Variants in RBFOX1 observed in about 807,000 individuals in gnomAD.
The protein encoded by RBFOX1 is RNA binding protein fox-1 homolog 1.
RBFOX1 carries 8 observed loss-of-function variants against 57.7 expected under a neutral mutation model. The ratio of observed to expected loss-of-function variants is 0.14; its 90% CI spans 0.08 to 0.25. The LOEUF (loss-of-function observed/expected upper bound fraction) is 0.25, where lower values mean the gene tolerates loss of function less well. Among genes scored for constraint, RBFOX1 ranks in the 10% least tolerant of loss-of-function variants. The pLI is 1.00. For synonymous variants in RBFOX1, 326 were observed against 222.4 expected (o/e 1.47, Z -4.15); for missense variants, 611 against 548.5 (o/e 1.11, Z -1.14).
At chr16:7,420,484 T>G (rs560773461) in intron 4 of RBFOX1, among the ~76,000 whole-genome samples, 1 of 152,336 alleles carries the variant, frequency 6.6e-6, no homozygotes, top group South Asian at 2.1e-4. Context: ...ATTGTCTAAA[T>G]CGATACATCT....
chr16:6,622,839 A>C (rs2098252317), intron 2 of RBFOX1, among the ~76,000 whole-genome samples: 1 of 152,194 alleles, frequency 6.6e-6, no homozygotes, highest in Non-Finnish European at 1.5e-5. Flanking sequence ...GCACAGAGCA[A>C]ATGTGAAATT....
intron 4 of RBFOX1, among the ~76,000 whole-genome samples, chr16:7,186,615 A>G (rs919987285): frequency 7.0e-6 from 1 of 142,710 alleles, no homozygotes; most frequent in African/African-American, 2.7e-5. Flanking sequence ...TATAAGCATA[A>G]ACATATTTAT....
intron 3 of RBFOX1, among the ~76,000 whole-genome samples, chr16:6,977,951 A>C (rs1322086880): frequency 3.3e-5 from 5 of 149,926 alleles, no homozygotes; most frequent in African/African-American, 4.9e-5. Context: ...AAAAAAAAAA[A>C]GGCAAACCTC....
At chr16:7,018,679 T>C (rs925277541) in intron 3 of RBFOX1, among the ~76,000 whole-genome samples, 3 of 152,002 alleles carry the variant, frequency 2.0e-5, no homozygotes, top group Admixed American at 6.6e-5. Flanking sequence ...TTAGGAGATA[T>C]ACCTAATGTA....
chr16:6,562,844 C>A (rs894582831), intron 2 of RBFOX1, among the ~76,000 whole-genome samples: 1 of 38,184 alleles, frequency 2.6e-5, no homozygotes, highest in African/African-American at 1.9e-4. Context: ...TTCTTTCTTT[C>A]TTTCTTTCTT....
chr16:6,519,681 A>T (rs1281825575), intron 2 of RBFOX1, among the ~76,000 whole-genome samples: 1 of 152,170 alleles, frequency 6.6e-6, no homozygotes, highest in East Asian at 1.9e-4. Flanking sequence ...AGTCTGGGTG[A>T]CAAGAATGGA....
At position 6,739,142 on chromosome 16, in the gene RBFOX1, A is replaced by T. The variant is rs112688832; in HGVS notation, c.-16+84492A>T. ...GCAGAGAGGAAATAATAAAAATTGGAGCAAAAGTCAATGAAATTGAAAACA... is the reference window on the plus strand; with the variant it reads ...GCAGAGAGGAAATAATAAAAATTGGTGCAAAAGTCAATGAAATTGAAAACA... On this transcript the variant is annotated intron_variant, in intron 3 of 15. Transcript: ENST00000550418. Among the ~76,000 whole-genome samples, 37 of 152,258 alleles carry T rather than the reference A, an allele frequency of 2.4e-4. 1 individual carries two copies. The East Asian group carries it at 4.6e-3, about 19-fold the overall frequency.
intron 4 of RBFOX1, among the ~76,000 whole-genome samples, chr16:5,967,856 T>A (rs1411305857): frequency 6.6e-6 from 1 of 152,232 alleles, no homozygotes; most frequent in African/African-American, 2.4e-5. Flanking sequence ...AGGGGTATTT[T>A]GCTTTGGGGA....
intron 5 of RBFOX1, among the ~76,000 whole-genome samples, chr16:7,521,475 C>A (rs8053794): frequency 6.6e-6 from 1 of 152,090 alleles, no homozygotes; most frequent in Non-Finnish European, 1.5e-5. Flanking sequence ...AGTTGGGGAG[C>A]TGAGATGCTC....
chr16:5,318,618 T>C (rs1201809213), intron 1 of RBFOX1, among the ~76,000 whole-genome samples: 1 of 152,172 alleles, frequency 6.6e-6, no homozygotes, highest in Non-Finnish European at 1.5e-5. Flanking sequence ...ACAAAACACT[T>C]TATCATATGG....
chr16:7,096,365 A>G (rs1399605273), intron 4 of RBFOX1, among the ~76,000 whole-genome samples: 1 of 152,114 alleles, frequency 6.6e-6, no homozygotes, highest in East Asian at 1.9e-4. Context: ...ACTCTGACTC[A>G]ATTTCTCGGA....
intron 4 of RBFOX1, among the ~76,000 whole-genome samples, chr16:7,314,709 C>T (rs911706856): frequency 1.3e-5 from 2 of 152,132 alleles, no homozygotes; most frequent in Admixed American, 6.5e-5. Context: ...TAGAATCCTC[C>T]GTCCTTCTAT....
At chr16:6,630,803 C>T (rs1033186289) in intron 2 of RBFOX1, among the ~76,000 whole-genome samples, 3 of 152,098 alleles carry the variant, frequency 2.0e-5, no homozygotes, top group South Asian at 2.1e-4. Flanking sequence ...CCGACCTGCT[C>T]GTTACAGGAG....
At chr16:6,479,378 A>G (rs941753615) in intron 2 of RBFOX1, among the ~76,000 whole-genome samples, 5 of 152,164 alleles carry the variant, frequency 3.3e-5, no homozygotes, top group Non-Finnish European at 7.3e-5. Context: ...TCTTGAGGAC[A>G]GGAGTTAAAG....
intron 2 of RBFOX1, among the ~76,000 whole-genome samples, chr16:6,376,484 G>A (rs1411752164): frequency 6.6e-6 from 1 of 152,148 alleles, no homozygotes; most frequent in Non-Finnish European, 1.5e-5. Flanking sequence ...TCCAGTTTCT[G>A]GTAGTTGCTG....
At chr16:6,749,749 G>GCTTAA (rs1472570750) in intron 3 of RBFOX1, among the ~76,000 whole-genome samples, 9 of 152,146 alleles carry the variant, frequency 5.9e-5, no homozygotes, top group African/African-American at 2.2e-4. Flanking sequence ...ACAGCGACTT[G>GCTTAA]GAAAGTTTTT....
chr16:6,439,213 C>T (rs1224998354), intron 2 of RBFOX1, among the ~76,000 whole-genome samples: 3 of 152,160 alleles, frequency 2.0e-5, no homozygotes, highest in Non-Finnish European at 4.4e-5. Flanking sequence ...GATGAGACTA[C>T]AGGACAGGCA....
intron 4 of RBFOX1, among the ~76,000 whole-genome samples, chr16:7,419,550 A>C (rs563109008): frequency 6.6e-6 from 1 of 152,332 alleles, no homozygotes; most frequent in Non-Finnish European, 1.5e-5. Context: ...TTACCATGGC[A>C]AATGTTGCGG....
At chr16:5,759,204 A>G (rs2053505174) in intron 3 of RBFOX1, among the ~76,000 whole-genome samples, 1 of 152,220 alleles carries the variant, frequency 6.6e-6, no homozygotes, top group Non-Finnish European at 1.5e-5. Flanking sequence ...GGTTCAGTTT[A>G]GAATGTCTGA....
Sources: gnomAD v4.1 joint callset for allele counts (sites outside exome capture counted in the v4.1 genomes callset) on GRCh38, gnomAD v4.1.1 for gene constraint, MANE v1.5 for transcripts, NCBI Gene and HGNC (gene_info 2026-07-23, HGNC 2026-07-21) for gene names.